EFHB: variants seen among roughly 807,000 people sequenced by gnomAD.
EFHB encodes EF-hand domain-containing family member B.
Under a neutral mutation model 87.2 loss-of-function variants are expected in EFHB, and 91 were observed. That is an observed-to-expected ratio of 1.04 (90% CI 0.88 to 1.24). EFHB has a LOEUF of 1.24. Among genes scored for constraint, EFHB ranks in the 50% most tolerant of loss-of-function variants. The pLI is 0.00. For missense variants in EFHB, 1,084 were observed against 998.8 expected (o/e 1.09, Z -1.15); for synonymous variants, 325 against 333.6 (o/e 0.97, Z 0.28).
At chr3:19,925,764 T>G (rs1429368008) in intron 1 of EFHB, among the ~76,000 whole-genome samples, 1 of 152,140 alleles carries the variant, frequency 6.6e-6, no homozygotes, top group Non-Finnish European at 1.5e-5. Context: ...AAGACCATTT[T>G]CAGCTGCTCA....
chr3:19,879,702 C>A lies in EFHB; in HGVS notation c.2431G>T (p.Val811Phe). The A allele has an allele frequency of 6.2e-7, 1 of 1,611,108 alleles. No individual in the cohort carries two copies. Among genetic ancestry groups the A allele is most frequent in the Non-Finnish European group, 8.5e-7 (1 of 1,179,234 alleles). ...SKKHHRGEVC[V>F]ENIRNVLDEL... ...TCTAGAACATTTCTGATGTTCTCAA[C>A]ACAAACTTCTCCTCTGTGATGCTTT... Residue 811 changes from valine to phenylalanine, a missense_variant, in exon 13 of 13, where the codon GTT becomes TTT. By Grantham distance (50) the Val-to-Phe change is conservative. Coordinates refer to ENST00000295824, the MANE Select transcript of EFHB (RefSeq NM_144715.4).
intron 1 of EFHB, among the ~76,000 whole-genome samples, chr3:19,925,635 C>T (rs1340983951): frequency 1.3e-5 from 2 of 152,180 alleles, no homozygotes; most frequent in African/African-American, 4.8e-5. Context: ...ACCGGAGACA[C>T]CTTGCTTGGC....
At chr3:19,891,372 G>GA (rs368493061) in intron 9 of EFHB, among the ~76,000 whole-genome samples, 24,724 of 150,302 alleles carry the variant, frequency 0.16, 2,217 homozygotes, top group South Asian at 0.31. Flanking sequence ...TGATCCTTTA[G>GA]AAAAAAAAAA....
intron 1 of EFHB, among the ~76,000 whole-genome samples, chr3:19,939,716 C>T (rs556237227): frequency 9.4e-5 from 11 of 117,000 alleles, no homozygotes; most frequent in African/African-American, 3.8e-4. Context: ...CCCATAGCAC[C>T]TCAAACTTAT....
At chr3:19,901,631 GAACA>G (rs779520636) in intron 6 of EFHB, among the ~76,000 whole-genome samples, 3 of 152,118 alleles carry the variant, frequency 2.0e-5, no homozygotes, top group East Asian at 1.9e-4. Context: ...GCTATAACTT[GAACA>G]AACAGAGTTA....
chr3:19,933,131 T>C (rs1695885321), intron 1 of EFHB, 99 bp downstream of exon 1: 1 of 1,368,910 alleles, frequency 7.3e-7, no homozygotes, highest in Admixed American at 2.8e-5. Context: ...TCCTTGTGAT[T>C]TGTCTCTTCA....
chr3:19,885,222 C>CAAAA (rs11395084), intron 10 of EFHB, among the ~76,000 whole-genome samples: 1 of 93,716 alleles, frequency 1.1e-5, no homozygotes. Context: ...GACTTCGTCT[C>CAAAA]AAAAAAAAAA....
intron 1 of EFHB, among the ~76,000 whole-genome samples, chr3:19,921,133 C>T (rs1948082): frequency 3.3e-5 from 5 of 151,748 alleles, no homozygotes; most frequent in East Asian, 1.9e-4. Flanking sequence ...GAGTAGAGAG[C>T]GACAGAGAAA....
At chr3:19,938,765 A>C (rs531166131), upstream of EFHB, among the ~76,000 whole-genome samples, 120 of 152,166 alleles carry the variant, frequency 7.9e-4, 4 homozygotes, top group South Asian at 0.023. Context: ...CAGAAGCAAA[A>C]ATTGGACCTC....
intron 11 of EFHB, among the ~76,000 whole-genome samples, chr3:19,883,710 A>T (rs564587116): frequency 2.1e-3 from 323 of 152,314 alleles, no homozygotes; most frequent in Non-Finnish European, 3.4e-3. Flanking sequence ...TAATATGGCT[A>T]GAGTTCTTGT....
intron 1 of EFHB, among the ~76,000 whole-genome samples, chr3:19,924,087 A>G (rs1259671965): frequency 6.6e-6 from 1 of 152,146 alleles, no homozygotes. Context: ...AATAATAACT[A>G]GTGATGATTC....
intron 5 of EFHB, among the ~76,000 whole-genome samples, chr3:19,908,406 G>T (rs570932175): frequency 6.6e-6 from 1 of 151,758 alleles, no homozygotes; most frequent in South Asian, 2.1e-4. Context: ...GGTGGCGGGC[G>T]CCTGTAATCC....
intron 5 of EFHB, among the ~76,000 whole-genome samples, chr3:19,909,931 A>G (rs1317325195): frequency 6.6e-6 from 1 of 152,108 alleles, no homozygotes; most frequent in African/African-American, 2.4e-5. Flanking sequence ...TGGGCCCTGA[A>G]TAACCAGCTG....
At chr3:19,899,567 C>T (rs1694601163) in intron 6 of EFHB, 52 bp from the exon 7 acceptor site, 5 of 1,404,304 alleles carry the variant, frequency 3.6e-6, no homozygotes, top group Admixed American at 4.3e-5. Context: ...GTATTCTTGG[C>T]TGCCAAATAT....
At chr3:19,884,245 A>G (rs2071754617) in intron 11 of EFHB, 158 bp downstream of exon 11, 1 of 640,434 alleles carries the variant, frequency 1.6e-6, no homozygotes, top group Non-Finnish European at 2.7e-6. Flanking sequence ...CAACATTTAT[A>G]TGTGGGCCTC....
chr3:19,908,597 AG>A (rs1575020251), intron 5 of EFHB, among the ~76,000 whole-genome samples: 2,351 of 104,570 alleles, frequency 0.022, 22 homozygotes, highest in Non-Finnish European at 0.029. Context: ...AGAGAGAGAG[AG>A]AGAAAGAAAG....
At chr3:19,887,620 TACACTA>T in intron 10 of EFHB, among the ~76,000 whole-genome samples, 1 of 152,198 alleles carries the variant, frequency 6.6e-6, no homozygotes, top group East Asian at 1.9e-4. Flanking sequence ...ACACATAAAG[TACACTA>T]ACACTAAGGA....
intron 5 of EFHB, among the ~76,000 whole-genome samples, chr3:19,910,267 G>T (rs1474639888): frequency 6.6e-6 from 1 of 151,992 alleles, no homozygotes; most frequent in Non-Finnish European, 1.5e-5. Flanking sequence ...ACTTCAAGCT[G>T]ACTTAAGAGA....
chr3:19,879,601 T>C lies in EFHB; in HGVS notation c.*30A>G, dbSNP rs776520799. ...TAGATAAACACAGAGTTAATAATTC[T>C]TTTGCTTGAATGAATGAAGTCCAAA... On this transcript the variant is annotated 3_prime_UTR_variant, in exon 13 of 13. Transcript: ENST00000295824. 3.3e-6 allele frequency: 5 copies of C among 1,526,160 alleles called. No homozygotes were observed. Among genetic ancestry groups the C allele is most frequent in the Non-Finnish European group, 2.6e-6 (3 of 1,138,866 alleles). The allele number at this position is 1,526,160 out of a possible 1,614,324, so 94.5% of individuals were successfully genotyped here. A position where few individuals can be genotyped will look rare whatever the true frequency, so the allele number is the denominator to read the frequency against.
Sources: gnomAD v4.1 joint callset for allele counts (sites outside exome capture counted in the v4.1 genomes callset) on GRCh38, gnomAD v4.1.1 for gene constraint, MANE v1.5 for transcripts, NCBI Gene and HGNC (gene_info 2026-07-23, HGNC 2026-07-21) for gene names.